The following RIMS2 variants were observed in gnomAD, a reference collection of about 807,000 sequenced individuals.
RIMS2 encodes regulating synaptic membrane exocytosis protein 2.
In RIMS2, 59 loss-of-function variants were observed where a neutral mutation model predicts 174.4. The observed-to-expected ratio is 0.34, with a 90% CI of 0.27 to 0.42. The LOEUF is 0.42. RIMS2 is among the 10% of genes least tolerant of loss of function. RIMS2 has a pLI of 1.00. For missense variants in RIMS2, 1,620 were observed against 1,666.3 expected, an observed-to-expected ratio of 0.97 and a Z score of 0.48; for synonymous variants, 606 against 572.5, an observed-to-expected ratio of 1.06 and a Z score of -0.84.
rs757523509 is a variant in RIMS2 at position 103,885,934 on chromosome 8, A to G, written c.1335A>G (p.Arg445=). 2.5e-6 allele frequency: 4 copies of G among 1,613,062 alleles called. No homozygotes were observed. In the East Asian group the frequency reaches 8.9e-5, roughly 36 times the overall value. Reference sequence around the variant, plus strand: ...GGAGGAGTCCACTACCCATAGATAGACCAGACTTGAGGCGTACTGACTCAC... The same window carrying G: ...GGAGGAGTCCACTACCCATAGATAGGCCAGACTTGAGGCGTACTGACTCAC... The change falls in exon 4 of 24, where the codon AGA becomes AGG. Residue 445 remains arginine, a synonymous_variant. Coordinates refer to ENST00000504942, the Ensembl canonical transcript of RIMS2.
downstream of RIMS2, chr8:104,254,700 CAG>C (rs1401232247): frequency 3.3e-5 from 5 of 152,180 alleles, no homozygotes; most frequent in African/African-American, 1.2e-4. Context: ...CAGCAACTCA[CAG>C]ATTTTTTGAG....
At chr8:103,749,325 G>T (rs1294064943) in intron 2 of RIMS2, among the ~76,000 whole-genome samples, 1 of 146,450 alleles carries the variant, frequency 6.8e-6, no homozygotes, top group Non-Finnish European at 1.5e-5. Context: ...TGTTCTCCAG[G>T]ATGGTCTCGA....
intron 14 of RIMS2, among the ~76,000 whole-genome samples, chr8:103,951,722 C>G (rs1361717289): frequency 1.3e-5 from 2 of 152,182 alleles, no homozygotes; most frequent in African/African-American, 4.8e-5. Flanking sequence ...TTTTCATACT[C>G]CAGTGGCACC....
intron 1 of RIMS2, among the ~76,000 whole-genome samples, chr8:103,575,261 A>G (rs1044464972): frequency 6.6e-6 from 1 of 152,212 alleles, no homozygotes; most frequent in African/African-American, 2.4e-5. Flanking sequence ...TGTGCCCACT[A>G]GAGTGGCTTA....
At chr8:103,989,725 C>A (rs953481017) in intron 17 of RIMS2, among the ~76,000 whole-genome samples, 5 of 151,954 alleles carry the variant, frequency 3.3e-5, no homozygotes, top group African/African-American at 1.2e-4. Context: ...TATAGTGAAA[C>A]CAAGATGTTT....
intron 1 of RIMS2, among the ~76,000 whole-genome samples, chr8:103,537,317 A>C (rs569544440): frequency 1.4e-4 from 21 of 152,354 alleles, no homozygotes; most frequent in African/African-American, 4.6e-4. Flanking sequence ...AATGGCATTG[A>C]ATCCTGAAGA....
intron 19 of RIMS2, among the ~76,000 whole-genome samples, chr8:104,131,293 A>C (rs2098471842): frequency 6.6e-6 from 1 of 152,144 alleles, no homozygotes; most frequent in Admixed American, 6.6e-5. Context: ...CTAGAGGCAG[A>C]GATAGGAAAC....
At chr8:103,605,656 T>G (rs1588817319) in intron 1 of RIMS2, among the ~76,000 whole-genome samples, 1 of 152,246 alleles carries the variant, frequency 6.6e-6, no homozygotes, top group African/African-American at 2.4e-5. Context: ...GGTAAACTAT[T>G]GAGTATTGCC....
At chr8:103,579,578 G>C (rs1445924317) in intron 1 of RIMS2, among the ~76,000 whole-genome samples, 1 of 152,152 alleles carries the variant, frequency 6.6e-6, no homozygotes, top group African/African-American at 2.4e-5. Context: ...TTAAAGTGTA[G>C]AGTTTTTTTT....
At chr8:104,056,925 T>G (rs1051246069) in intron 19 of RIMS2, among the ~76,000 whole-genome samples, 3 of 152,238 alleles carry the variant, frequency 2.0e-5, no homozygotes, top group East Asian at 3.9e-4. Context: ...CTAAGTATCC[T>G]AAATATACCC....
chr8:103,955,462 A>T (rs2086838567), intron 14 of RIMS2, among the ~76,000 whole-genome samples: 1 of 152,326 alleles, frequency 6.6e-6, no homozygotes, highest in South Asian at 2.1e-4. Context: ...ATATCAATAA[A>T]CATAATCCAT....
chr8:103,829,749 T>A (rs1207626092), intron 3 of RIMS2, among the ~76,000 whole-genome samples: 3 of 150,448 alleles, frequency 2.0e-5, no homozygotes, highest in Admixed American at 6.7e-5. Context: ...AAACTACCTA[T>A]CAGGTACTAT....
intron 1 of RIMS2, among the ~76,000 whole-genome samples, chr8:103,527,956 G>T (rs1437187830): frequency 1.3e-5 from 2 of 152,194 alleles, no homozygotes; most frequent in Non-Finnish European, 2.9e-5. Flanking sequence ...GATCCTTGAG[G>T]AATCACCACA....
At chr8:103,725,594 TGCC>T (rs1564416962) in intron 2 of RIMS2, among the ~76,000 whole-genome samples, 60 of 152,346 alleles carry the variant, frequency 3.9e-4, no homozygotes, top group African/African-American at 1.4e-3. Flanking sequence ...TATATGAATA[TGCC>T]ACAATTTGTT....
intron 3 of RIMS2, among the ~76,000 whole-genome samples, chr8:103,874,931 G>A (rs904306541): frequency 2.5e-4 from 38 of 151,938 alleles, no homozygotes; most frequent in African/African-American, 8.7e-4. Context: ...CTTATTTGGG[G>A]CCTAGCTCCA....
intron 19 of RIMS2, among the ~76,000 whole-genome samples, chr8:104,244,130 A>G (rs1297257226): frequency 6.6e-6 from 1 of 152,090 alleles, no homozygotes. Context: ...AGTACTTCCT[A>G]TCTGTGTCAC....
intron 1 of RIMS2, among the ~76,000 whole-genome samples, chr8:103,683,656 C>G (rs1161753134): frequency 6.6e-6 from 1 of 152,146 alleles, no homozygotes; most frequent in African/African-American, 2.4e-5. Context: ...TGAGAAGCAT[C>G]TCAAAGTTAG....
chr8:103,995,231 T>A (rs573759127), intron 17 of RIMS2, among the ~76,000 whole-genome samples: 1 of 152,204 alleles, frequency 6.6e-6, no homozygotes, highest in East Asian at 1.9e-4. Flanking sequence ...CAATCCAAAA[T>A]ATATTTGAGT....
intron 19 of RIMS2, among the ~76,000 whole-genome samples, chr8:104,099,380 C>T (rs1009636752): frequency 6.6e-6 from 1 of 152,020 alleles, no homozygotes; most frequent in African/African-American, 2.4e-5. Flanking sequence ...TTGTTGTTTT[C>T]TTCTTTATCA....
Sources: allele counts gnomAD v4.1 joint callset (sites outside exome capture counted in the v4.1 genomes callset), GRCh38; gene constraint gnomAD v4.1.1; transcripts MANE v1.5; gene names NCBI Gene and HGNC (gene_info 2026-07-23, HGNC 2026-07-21).